TADA2A: variants seen among roughly 807,000 people sequenced by gnomAD.
TADA2A encodes the protein transcriptional adaptor 2A.
In TADA2A, 38 loss-of-function variants were observed where a neutral mutation model predicts 67.4. The observed-to-expected ratio is 0.56, with a 90% CI of 0.44 to 0.74. TADA2A has a LOEUF of 0.74. Ranked by LOEUF, TADA2A falls within the 30% of genes least tolerant of loss-of-function variation. The pLI, the probability that TADA2A is intolerant of heterozygous loss-of-function variation, is 0.00. For missense variants in TADA2A, 454 were observed against 547.0 expected (o/e 0.83, Z 1.70); for synonymous variants, 192 against 181.6 (o/e 1.06, Z -0.46).
At chr17:37,465,716 T>A in intron 11 of TADA2A, 175 bp downstream of exon 11, 2 of 1,116,900 alleles carry the variant, frequency 1.8e-6, no homozygotes, top group Non-Finnish European at 2.5e-6. Flanking sequence ...GAAGAGAGGT[T>A]AAAAAGCCCT....
At chr17:37,429,935 TA>T (rs2147941666) in intron 4 of TADA2A, among the ~76,000 whole-genome samples, 1 of 152,340 alleles carries the variant, frequency 6.6e-6, no homozygotes, top group East Asian at 1.9e-4. Context: ...GGATTTGAGT[TA>T]ATTTCACCAA....
intron 12 of TADA2A, among the ~76,000 whole-genome samples, chr17:37,468,106 A>G (rs528857778): frequency 1.2e-4 from 18 of 152,024 alleles, no homozygotes; most frequent in Admixed American, 4.6e-4. Context: ...GGAATTTTAT[A>G]TTTTAGGTGT....
intron 14 of TADA2A, among the ~76,000 whole-genome samples, chr17:37,472,096 C>T (rs374005939): frequency 6.6e-6 from 1 of 151,342 alleles, no homozygotes; most frequent in Non-Finnish European, 1.5e-5. Context: ...GATGGAGTCT[C>T]GCTCTGTCAC....
chr17:37,448,345 A>T (rs1407545233), intron 8 of TADA2A, among the ~76,000 whole-genome samples: 1 of 152,352 alleles, frequency 6.6e-6, no homozygotes, highest in South Asian at 2.1e-4. Context: ...TATTGCAGCC[A>T]TACCAGAAGG....
chr17:37,451,318 G>T (rs969357147), intron 8 of TADA2A, among the ~76,000 whole-genome samples: 6 of 142,388 alleles, frequency 4.2e-5, no homozygotes, highest in South Asian at 2.3e-4. Context: ...AGGTTTTTTT[G>T]TTTTTTGGCT....
intron 11 of TADA2A, among the ~76,000 whole-genome samples, chr17:37,466,612 C>T (rs1433192675): frequency 2.0e-5 from 3 of 152,084 alleles, no homozygotes; most frequent in Non-Finnish European, 4.4e-5. Context: ...TTTATCTGAG[C>T]CAGGTTGGTT....
At position 37,419,088 on chromosome 17, in the gene TADA2A, T is replaced by G. The variant is rs1841219009; in HGVS notation, c.26-4421T>G. On this transcript the variant is annotated intron_variant, in intron 2 of 15. Coordinates refer to ENST00000615182, the MANE Select transcript of TADA2A (RefSeq NM_001166105.3). The stretch of plus-strand genomic sequence containing the variant: ...ATAGAAGAAAGGTTGGAAAAATATT[T>G]TTCAAAATGCTAATTGTGGATGACA... Among the ~76,000 whole-genome samples the G allele has an allele frequency of 4.8e-5, 7 of 146,742 alleles. 2 individuals are homozygous for G. Among genetic ancestry groups the G allele is most frequent in the Admixed American group, 2.8e-4 (4 of 14,512 alleles).
At chr17:37,433,765 C>G (rs2052640602) in intron 4 of TADA2A, among the ~76,000 whole-genome samples, 1 of 152,052 alleles carries the variant, frequency 6.6e-6, no homozygotes, top group Non-Finnish European at 1.5e-5. Flanking sequence ...CCAGCCTGGC[C>G]AACATGGTGA....
Position 37,478,479 on chromosome 17 carries a change from T to A in TADA2A, c.*1497T>A, listed in dbSNP as rs1212103767. ...TGACTTGAACCCTATTTCTCAATGG[T>A]GAAAGGCTAGCCTGCAATAAAAGCT... On this transcript the variant is annotated 3_prime_UTR_variant, in exon 16 of 16. Coordinates refer to ENST00000615182, the MANE Select transcript of TADA2A (RefSeq NM_001166105.3). The A allele has an allele frequency of 1.3e-5, 2 of 152,102 alleles. No individual in the cohort carries two copies. Among genetic ancestry groups the A allele is most frequent in the Admixed American group, 1.3e-4 (2 of 15,266 alleles). 9.4% of individuals were successfully genotyped at this position (152,102 alleles called of 1,614,324 possible). A position where few individuals can be genotyped will look rare whatever the true frequency, so the allele number is the denominator to read the frequency against.
At chr17:37,407,254 C>G (rs1335913009) in intron 1 of TADA2A, 1 of 152,380 alleles carries the variant, frequency 6.6e-6, no homozygotes, top group Non-Finnish European at 1.5e-5. Context: ...GCGCGTAGCT[C>G]TACCAAGAAT....
chr17:37,428,852 C>T (rs2052485685), intron 4 of TADA2A, among the ~76,000 whole-genome samples: 1 of 152,026 alleles, frequency 6.6e-6, no homozygotes, highest in Non-Finnish European at 1.5e-5. Flanking sequence ...CGAGACCATC[C>T]TGGCTAACAT....
At chr17:37,452,000 C>A (rs1309878291) in intron 8 of TADA2A, among the ~76,000 whole-genome samples, 3 of 151,672 alleles carry the variant, frequency 2.0e-5, no homozygotes, top group African/African-American at 7.3e-5. Flanking sequence ...AAAAATAAAT[C>A]ACAAAAATGT....
intron 3 of TADA2A, 99 bp downstream of exon 3, chr17:37,423,714 C>T (rs2147926652): frequency 2.5e-6 from 2 of 787,708 alleles, no homozygotes; most frequent in South Asian, 2.2e-5. Flanking sequence ...AGATCTATGT[C>T]TTATTAAATC....
intron 8 of TADA2A, among the ~76,000 whole-genome samples, chr17:37,449,017 G>GTTTT (rs11321678): frequency 6.8e-6 from 1 of 147,180 alleles, no homozygotes; most frequent in Non-Finnish European, 1.5e-5. Context: ...TGATTTCACT[G>GTTTT]TTTTTTTTTT....
intron 8 of TADA2A, among the ~76,000 whole-genome samples, chr17:37,455,621 C>T (rs564886777): frequency 2.0e-5 from 3 of 152,106 alleles, no homozygotes; most frequent in East Asian, 1.9e-4. Context: ...GACCTTGTGA[C>T]CCACCTGCCT....
intron 2 of TADA2A, among the ~76,000 whole-genome samples, chr17:37,421,932 G>A (rs1285202672): frequency 6.9e-6 from 1 of 145,948 alleles, no homozygotes; most frequent in African/African-American, 2.5e-5. Context: ...AGACTGGAGT[G>A]CAGTGGCGTG....
intron 2 of TADA2A, among the ~76,000 whole-genome samples, chr17:37,422,854 G>A (rs148087721): frequency 6.6e-6 from 1 of 152,264 alleles, no homozygotes; most frequent in Non-Finnish European, 1.5e-5. Flanking sequence ...TTAACATTTT[G>A]TCAGATTTTC....
intron 2 of TADA2A, among the ~76,000 whole-genome samples, chr17:37,418,392 C>A (rs9910344): frequency 0.48 from 72,731 of 151,310 alleles, 18,182 homozygotes; most frequent in East Asian, 0.79. Context: ...GTCATTGTGG[C>A]AACAAAAAGG....
intron 5 of TADA2A, among the ~76,000 whole-genome samples, chr17:37,440,068 C>T (rs2052865976): frequency 6.6e-6 from 1 of 151,804 alleles, no homozygotes; most frequent in African/African-American, 2.4e-5. Flanking sequence ...CTCAGCCTCC[C>T]AAGTAGCTGG....
Sources: gnomAD v4.1 joint callset for allele counts (sites outside exome capture counted in the v4.1 genomes callset) on GRCh38, gnomAD v4.1.1 for gene constraint, MANE v1.5 for transcripts, NCBI Gene and HGNC (gene_info 2026-07-23, HGNC 2026-07-21) for gene names.